SCAND3: variants seen among roughly 807,000 people sequenced by gnomAD.
SCAND3 encodes SCAN domain-containing protein 3.
the SCAND3 span, chr6:28,573,842 A>G: frequency 4.0e-6 from 6 of 1,504,414 alleles, no homozygotes; most frequent in Non-Finnish European, 5.3e-6. Context: ...AATTAGGAAT[A>G]AAAGTAAATA....
At chr6:28,574,897 C>G in the SCAND3 span, 1 of 1,613,970 alleles carries the variant, frequency 6.2e-7, no homozygotes, top group Non-Finnish European at 8.5e-7. Flanking sequence ...ACAAACTACA[C>G]AGGATAAAAA....
chr6:28,607,398 A>G, the SCAND3 span, among the ~76,000 whole-genome samples: 2 of 152,198 alleles, frequency 1.3e-5, no homozygotes, highest in African/African-American at 4.8e-5. Context: ...GAAGGTCTTG[A>G]ACCCTTTGTA....
the SCAND3 span, among the ~76,000 whole-genome samples, chr6:28,607,187 T>C: frequency 1.3e-5 from 2 of 152,158 alleles, no homozygotes; most frequent in African/African-American, 4.8e-5. Context: ...AGCGCGTGCT[T>C]AGCATGTACG....
the SCAND3 span, among the ~76,000 whole-genome samples, chr6:28,580,257 CA>C: frequency 6.6e-6 from 1 of 152,152 alleles, no homozygotes; most frequent in South Asian, 2.1e-4. Flanking sequence ...AGTTCGGGAC[CA>C]ACTTAGCCAA....
the SCAND3 span, among the ~76,000 whole-genome samples, chr6:28,577,150 A>T: frequency 2.6e-5 from 4 of 152,288 alleles, no homozygotes; most frequent in East Asian, 7.7e-4. Flanking sequence ...ATCAGTGAAA[A>T]ATTTCTGACT....
chr6:28,571,711 A>T, the SCAND3 span: 3 of 464,254 alleles, frequency 6.5e-6, no homozygotes, highest in Non-Finnish European at 1.1e-5. Context: ...GAAAAATAGA[A>T]TTATAAAAAC....
At chr6:28,583,304 C>T in the SCAND3 span, among the ~76,000 whole-genome samples, 1 of 152,052 alleles carries the variant, frequency 6.6e-6, no homozygotes, top group South Asian at 2.1e-4. Flanking sequence ...AATGACTGAA[C>T]CCCGGAGGCA....
the SCAND3 span, among the ~76,000 whole-genome samples, chr6:28,592,092 A>G: frequency 6.6e-6 from 1 of 152,226 alleles, no homozygotes; most frequent in African/African-American, 2.4e-5. The surrounding 1 kb of genome is among the most constrained non-coding windows in gnomAD (Gnocchi z 4.1). Flanking sequence ...TTAGTTTTAT[A>G]GAGCCAGAGC....
At chr6:28,580,437 G>A in the SCAND3 span, among the ~76,000 whole-genome samples, 33 of 137,722 alleles carry the variant, frequency 2.4e-4, no homozygotes, top group Non-Finnish European at 3.1e-4. Context: ...GCGAGACTCC[G>A]TCTCAAAAAA....
chr6:28,572,189 C>T, the SCAND3 span: 1 of 1,614,008 alleles, frequency 6.2e-7, no homozygotes, highest in South Asian at 1.1e-5. This position sits in a 1 kb window ranked among gnomAD's most constrained non-coding sequence, Gnocchi z 4.1. Flanking sequence ...TTCAATCCTT[C>T]GTCGGTAGCC....
the SCAND3 span, chr6:28,573,029 TA>T: frequency 6.2e-7 from 1 of 1,612,816 alleles, no homozygotes; most frequent in Non-Finnish European, 8.5e-7. Flanking sequence ...TTGTTAACAA[TA>T]TAATTCTTTA....
At chr6:28,573,129 C>G in the SCAND3 span, 4 of 1,611,536 alleles carry the variant, frequency 2.5e-6, no homozygotes, top group Non-Finnish European at 3.4e-6. Context: ...CATGTTCAAA[C>G]CTCACATAGA....
the SCAND3 span, chr6:28,591,311 A>T: frequency 6.6e-6 from 1 of 152,220 alleles, no homozygotes; most frequent in Non-Finnish European, 1.5e-5. Flanking sequence ...GCATATGTAG[A>T]TGCTCCCCCT....
chr6:28,590,819 AT>A, the SCAND3 span: 1 of 152,224 alleles, frequency 6.6e-6, no homozygotes, highest in Admixed American at 6.5e-5. Flanking sequence ...TCATGAAAGC[AT>A]TATTTTGGCT....
the SCAND3 span, among the ~76,000 whole-genome samples, chr6:28,604,589 G>A: frequency 0.041 from 6,139 of 149,408 alleles, 182 homozygotes; most frequent in Non-Finnish European, 0.062. Context: ...GCACTCCAGC[G>A]TGGCTGACCG....
the SCAND3 span, among the ~76,000 whole-genome samples, chr6:28,607,350 A>C: frequency 6.6e-6 from 1 of 152,142 alleles, no homozygotes; most frequent in Admixed American, 6.6e-5. Context: ...CAGCCTTTGC[A>C]GTGTTAAGTA....
the SCAND3 span, among the ~76,000 whole-genome samples, chr6:28,605,721 C>T: frequency 6.6e-6 from 1 of 151,562 alleles, no homozygotes; most frequent in Non-Finnish European, 1.5e-5. Context: ...TGGCAGGCAC[C>T]TGTAATCCCA....
the SCAND3 span, among the ~76,000 whole-genome samples, chr6:28,595,361 A>C: frequency 6.7e-5 from 10 of 149,568 alleles, no homozygotes; most frequent in South Asian, 2.1e-3. Context: ...AAAAAGAAGA[A>C]GAAGAAGAAG....
the SCAND3 span, among the ~76,000 whole-genome samples, chr6:28,607,405 T>TA: frequency 2.0e-5 from 3 of 152,216 alleles, no homozygotes; most frequent in African/African-American, 4.8e-5. Context: ...TTGAACCCTT[T>TA]GTAAAAGCAT....
Sources: allele counts gnomAD v4.1 joint callset (sites outside exome capture counted in the v4.1 genomes callset), GRCh38; gene constraint gnomAD v4.1.1; non-coding constraint Gnocchi (gnomAD v3.1); transcripts MANE v1.5; gene names NCBI Gene and HGNC (gene_info 2026-07-23, HGNC 2026-07-21).